The following AOAH variants were observed in gnomAD, a reference collection of about 807,000 sequenced individuals.
AOAH encodes the protein acyloxyacyl hydrolase.
AOAH carries 64 observed loss-of-function variants against 92.2 expected under a neutral mutation model. The ratio of observed to expected loss-of-function variants is 0.69; its 90% CI spans 0.57 to 0.86. AOAH has a LOEUF of 0.86. AOAH is among the 40% of genes least tolerant of loss of function. The pLI is 0.00. For missense variants in AOAH, 656 were observed against 694.6 expected (o/e 0.94, Z 0.62); for synonymous variants, 263 against 254.5 (o/e 1.03, Z -0.32).
chr7:36,576,403 A>C (rs931780324), intron 13 of AOAH, among the ~76,000 whole-genome samples, 171 bp downstream of exon 13: 2 of 152,140 alleles, frequency 1.3e-5, no homozygotes, highest in African/African-American at 4.8e-5. Context: ...CTGTGGGTAA[A>C]TGGCTTTAAG....
intron 3 of AOAH, among the ~76,000 whole-genome samples, chr7:36,667,262 T>C (rs935864395): frequency 4.6e-5 from 7 of 152,212 alleles, no homozygotes; most frequent in African/African-American, 1.7e-4. Context: ...TCTTGCACCA[T>C]CCCACTCCAT....
intron 5 of AOAH, among the ~76,000 whole-genome samples, chr7:36,637,129 CT>C (rs1481514663): frequency 1.3e-5 from 2 of 152,212 alleles, no homozygotes; most frequent in Admixed American, 1.3e-4. Flanking sequence ...CCTGCGAGAA[CT>C]GATCTGAAAT....
chr7:36,616,549 GC>G, intron 10 of AOAH, 75 bp from the exon 11 acceptor site: 1 of 1,189,356 alleles, frequency 8.4e-7, no homozygotes. Flanking sequence ...AGATATAAGA[GC>G]GGATACCCTA....
chr7:36,720,476 T>C (rs1348024478), intron 1 of AOAH, among the ~76,000 whole-genome samples: 1 of 152,000 alleles, frequency 6.6e-6, no homozygotes, highest in African/African-American at 2.4e-5. Context: ...CGACCTAAAA[T>C]CTTAAAGTTT....
chr7:36,650,080 ACCATCTTGGAAGTGGCTTCTG>A (rs1428439862), intron 4 of AOAH, among the ~76,000 whole-genome samples: 4 of 152,090 alleles, frequency 2.6e-5, no homozygotes, highest in African/African-American at 9.7e-5. Flanking sequence ...GAGGCTTGCC[ACCATCTTGGAAGTGGCTTCTG>A]CCATCTTGGA....
intron 5 of AOAH, among the ~76,000 whole-genome samples, chr7:36,636,500 G>C (rs1203759429): frequency 6.6e-6 from 1 of 152,220 alleles, no homozygotes; most frequent in Admixed American, 6.5e-5. Context: ...TTTCTGCTCA[G>C]AGTTCTGAAG....
intron 13 of AOAH, among the ~76,000 whole-genome samples, chr7:36,575,072 G>C (rs550365058): frequency 2.3e-4 from 35 of 151,864 alleles, no homozygotes; most frequent in African/African-American, 8.5e-4. Flanking sequence ...GACAGTGTTG[G>C]GGGGCTGTTT....
chr7:36,520,263 T>G (rs1784041779), intron 20 of AOAH, among the ~76,000 whole-genome samples: 1 of 152,218 alleles, frequency 6.6e-6, no homozygotes, highest in African/African-American at 2.4e-5. Flanking sequence ...TCCTGGGGGA[T>G]AAAACAAAGC....
intron 1 of AOAH, among the ~76,000 whole-genome samples, chr7:36,706,431 TC>T (rs1798415490): frequency 6.6e-6 from 1 of 152,080 alleles, no homozygotes; most frequent in Admixed American, 6.6e-5. Context: ...GTTTTATTGT[TC>T]CATTTCTAGA....
intron 3 of AOAH, among the ~76,000 whole-genome samples, chr7:36,660,205 G>C (rs1362830063): frequency 1.3e-5 from 2 of 152,216 alleles, no homozygotes; most frequent in Admixed American, 6.5e-5. Flanking sequence ...TGAATAAACA[G>C]CTTTATTGCT....
intron 7 of AOAH, among the ~76,000 whole-genome samples, 162 bp from the exon 8 acceptor site, chr7:36,621,942 T>A (rs773030304): frequency 1.3e-5 from 2 of 152,136 alleles, no homozygotes; most frequent in Non-Finnish European, 2.9e-5. Flanking sequence ...ATTAATATGA[T>A]AAGACATGCT....
chr7:36,648,851 T>A (rs1794402212), intron 4 of AOAH, among the ~76,000 whole-genome samples: 1 of 152,228 alleles, frequency 6.6e-6, no homozygotes, highest in Non-Finnish European at 1.5e-5. Flanking sequence ...TTAAGCTGAC[T>A]TTCTGTGTCT....
intron 13 of AOAH, among the ~76,000 whole-genome samples, chr7:36,557,199 G>A (rs1296607004): frequency 1.3e-5 from 2 of 151,880 alleles, no homozygotes; most frequent in South Asian, 2.1e-4. Flanking sequence ...AAATCTCTCA[G>A]CATTTGCTTA....
intron 1 of AOAH, among the ~76,000 whole-genome samples, chr7:36,708,218 TG>T (rs1197452476): frequency 1.3e-5 from 2 of 152,186 alleles, no homozygotes; most frequent in Non-Finnish European, 2.9e-5. Flanking sequence ...TCTGAGGCTC[TG>T]CTCATTTTTC....
chr7:36,531,723 C>A (rs1784699991), intron 18 of AOAH, among the ~76,000 whole-genome samples: 1 of 152,158 alleles, frequency 6.6e-6, no homozygotes, highest in Non-Finnish European at 1.5e-5. Flanking sequence ...GCAATGGATT[C>A]CCTGAGAGAA....
chr7:36,576,740 T>TA (rs1292383767), intron 12 of AOAH, 84 bp from the exon 13 acceptor site: 13 of 640,546 alleles, frequency 2.0e-5, no homozygotes, highest in Non-Finnish European at 3.0e-5. Context: ...ATCACGCTTT[T>TA]AAAAAAATAT....
intron 12 of AOAH, 112 bp from the exon 13 acceptor site, chr7:36,576,768 A>C (rs188704303): frequency 3.8e-4 from 198 of 526,056 alleles, no homozygotes; most frequent in African/African-American, 3.5e-3. Context: ...ATGAACTCAA[A>C]AAATCAAATC....
intron 4 of AOAH, among the ~76,000 whole-genome samples, chr7:36,644,709 A>T (rs1794120210): frequency 6.6e-6 from 1 of 152,222 alleles, no homozygotes; most frequent in Non-Finnish European, 1.5e-5. Context: ...TTTAGGCATG[A>T]GTTTCTACAG....
chr7:36,589,052 T>C (rs1419404596), intron 12 of AOAH, among the ~76,000 whole-genome samples: 1 of 152,196 alleles, frequency 6.6e-6, no homozygotes, highest in Admixed American at 6.5e-5. Flanking sequence ...CTTTTTACTT[T>C]TTTTGAAAAA....
Sources: allele counts gnomAD v4.1 joint callset (sites outside exome capture counted in the v4.1 genomes callset), GRCh38; gene constraint gnomAD v4.1.1; transcripts MANE v1.5; gene names NCBI Gene and HGNC (gene_info 2026-07-23, HGNC 2026-07-21).